GALNT9: variants seen among roughly 807,000 people sequenced by gnomAD.
GALNT9 encodes the protein polypeptide N-acetylgalactosaminyltransferase 9, also known as GalNAc transferase 9.
In GALNT9, 47 loss-of-function variants were observed where a neutral mutation model predicts 63.1. That is an observed-to-expected ratio of 0.75 (90% CI 0.59 to 0.95). GALNT9 has a LOEUF of 0.95. Ranked by LOEUF, GALNT9 falls within the 40% of genes least tolerant of loss-of-function variation. The pLI is 0.00. For missense variants in GALNT9, 829 were observed against 874.8 expected, an observed-to-expected ratio of 0.95 and a Z score of 0.66; for synonymous variants, 396 against 365.7, an observed-to-expected ratio of 1.08 and a Z score of -0.94.
At chr12:132,299,838 CCT>C (rs1417736690) in intron 1 of GALNT9, among the ~76,000 whole-genome samples, 9 of 141,616 alleles carry the variant, frequency 6.4e-5, no homozygotes, top group African/African-American at 2.3e-4. Flanking sequence ...CTAACCCACC[CCT>C]GAGATGACCA....
rs148635504 is a variant in GALNT9, at chr12:132,327,452, C to A, written c.238+1514G>T. On this transcript the variant is annotated intron_variant, in intron 1 of 10. Transcript: ENST00000328957. This position sits in a 1 kb window ranked among gnomAD's most constrained non-coding sequence, Gnocchi z 4.3. ...ACGACTCACAGGGCCGAGCTGCCCTCGTGGTGTTACACAACCTCAGTGTGC... is the reference window on the plus strand; with the variant it reads ...ACGACTCACAGGGCCGAGCTGCCCTAGTGGTGTTACACAACCTCAGTGTGC... Among the ~76,000 whole-genome samples the A allele has an allele frequency of 0.011, 1,728 of 152,148 alleles. 13 individuals carry two copies. Among genetic ancestry groups the A allele is most frequent in the Middle Eastern group, 0.017 (5 of 294 alleles).
intron 6 of GALNT9, among the ~76,000 whole-genome samples, chr12:132,235,695 G>GCGGCC (rs1877979897): frequency 9.9e-4 from 148 of 149,896 alleles, no homozygotes; most frequent in Middle Eastern, 6.9e-3. Context: ...CCCCGGGCTG[G>GCGGCC]AGTTCAACCC....
intron 6 of GALNT9, among the ~76,000 whole-genome samples, chr12:132,214,544 C>T (rs1303332136): frequency 2.0e-5 from 3 of 152,242 alleles, no homozygotes; most frequent in Non-Finnish European, 4.4e-5. Flanking sequence ...GGGCTACCAT[C>T]CTCCCACCCA....
intron 6 of GALNT9, among the ~76,000 whole-genome samples, chr12:132,217,448 A>C (rs750081161): frequency 1.4e-5 from 2 of 146,350 alleles, no homozygotes; most frequent in Non-Finnish European, 3.0e-5. Flanking sequence ...TCATCTATCC[A>C]TCCATCCCTG....
intron 1 of GALNT9, among the ~76,000 whole-genome samples, chr12:132,288,524 G>C (rs1341536777): frequency 6.6e-5 from 10 of 152,284 alleles, no homozygotes; most frequent in African/African-American, 2.2e-4. Context: ...ACTCGAGAGA[G>C]AGAGACACCT....
At chr12:132,264,484 G>A (rs1471698698) in intron 2 of GALNT9, among the ~76,000 whole-genome samples, 1 of 152,260 alleles carries the variant, frequency 6.6e-6, no homozygotes, top group Non-Finnish European at 1.5e-5. Flanking sequence ...TGGGACACAG[G>A]CTTCTGCCTG....
At chr12:132,201,009 G>A in intron 8 of GALNT9, 115 bp downstream of exon 8, 1 of 1,036,922 alleles carries the variant, frequency 9.6e-7, no homozygotes, top group East Asian at 2.5e-5. Flanking sequence ...TCTGGGGGAG[G>A]CGCTACCTCT....
chr12:132,255,935 T>A (rs1331996107), intron 5 of GALNT9, among the ~76,000 whole-genome samples: 1 of 151,900 alleles, frequency 6.6e-6, no homozygotes, highest in South Asian at 2.1e-4. Flanking sequence ...CTGTCTGCTG[T>A]TTCTGTCCCC....
Position 132,265,292 on chromosome 12 carries a change from C to T in GALNT9, c.420-2667G>A, listed in dbSNP as rs1436200709. Among the ~76,000 whole-genome samples, 5 of 152,188 alleles carry T rather than the reference C, an allele frequency of 3.3e-5. No homozygotes were observed. Among genetic ancestry groups the T allele is most frequent in the Non-Finnish European group, 5.9e-5 (4 of 68,048 alleles). On this transcript the variant is annotated intron_variant, in intron 2 of 10. Transcript: ENST00000328957. This position sits in a 1 kb window ranked among gnomAD's most constrained non-coding sequence, Gnocchi z 5.3. ...CCACGGGGAGAAAATGACGGCTGGA[C>T]CGGTCCTCCCCGTGGAAGCCTTTCC...
At chr12:132,255,544 A>G (rs1156237468) in intron 5 of GALNT9, among the ~76,000 whole-genome samples, 1 of 152,222 alleles carries the variant, frequency 6.6e-6, no homozygotes, top group Non-Finnish European at 1.5e-5. Context: ...TCTGCATCAT[A>G]AAACCTCGGT....
chr12:132,263,417 C>T (rs1417633999), intron 2 of GALNT9, among the ~76,000 whole-genome samples: 3 of 147,844 alleles, frequency 2.0e-5, no homozygotes, highest in African/African-American at 5.3e-5. Context: ...AAAGGAAGTA[C>T]GTCCTAGGAC....
chr12:132,250,532 G>A (rs1246727656), intron 5 of GALNT9, among the ~76,000 whole-genome samples: 1 of 152,246 alleles, frequency 6.6e-6, no homozygotes, highest in Non-Finnish European at 1.5e-5. Context: ...GCTCACGCCT[G>A]TAATCCCAGC....
chr12:132,218,959 G>C (rs779011740), intron 6 of GALNT9, among the ~76,000 whole-genome samples: 2 of 152,042 alleles, frequency 1.3e-5, no homozygotes, highest in Non-Finnish European at 2.9e-5. Context: ...CCCAAGAACC[G>C]CAAATTCCCA....
At chr12:132,276,332 T>C (rs1266988054) in intron 2 of GALNT9, 1 of 155,008 alleles carries the variant, frequency 6.5e-6, no homozygotes, top group Non-Finnish European at 1.5e-5. Flanking sequence ...GAAAGAAACC[T>C]GGTAGCTGTT....
intron 1 of GALNT9, among the ~76,000 whole-genome samples, chr12:132,291,600 AC>A (rs1442933391): frequency 1.9e-3 from 179 of 96,216 alleles, no homozygotes; most frequent in African/African-American, 7.8e-3. Flanking sequence ...CCACATCCAC[AC>A]CACCCACCTC....
At chr12:132,208,123 A>C (rs1876803531) in intron 6 of GALNT9, among the ~76,000 whole-genome samples, 1 of 152,238 alleles carries the variant, frequency 6.6e-6, no homozygotes, top group Non-Finnish European at 1.5e-5. Context: ...TCACAGTCTC[A>C]AGGGAAACAG....
intron 1 of GALNT9, among the ~76,000 whole-genome samples, chr12:132,305,101 AGCCTCACCCAGACACG>A (rs1881532848): frequency 1.3e-5 from 1 of 79,242 alleles, no homozygotes. Flanking sequence ...ACCCGGGCAC[AGCCTCACCCAGACACG>A]CCCTCACCCG....
At position 132,319,024 on chromosome 12, in the gene GALNT9, C is replaced by T. The variant is rs1868655474; in HGVS notation, c.238+9942G>A. On this transcript the variant is annotated intron_variant, in intron 1 of 10. Transcript: ENST00000328957. This position sits in a 1 kb window ranked among gnomAD's most constrained non-coding sequence, Gnocchi z 5.2. Reference sequence around the variant, plus strand: ...GGTCCTTTGGACTTCGGCAGCGACTCTCTGGGAGGGAGGAGCAGAGACAGA... The same window carrying T: ...GGTCCTTTGGACTTCGGCAGCGACTTTCTGGGAGGGAGGAGCAGAGACAGA... 6.6e-6 allele frequency among the ~76,000 whole-genome samples: 1 copy of T among 152,230 alleles called. No individual in the cohort carries two copies. The highest frequency in any genetic ancestry group is 1.5e-5 in the Non-Finnish European group (1 of 68,040).
rs141441785 is a variant in GALNT9, at chr12:132,312,849, G to A, written c.238+16117C>T. On this transcript the variant is annotated intron_variant, in intron 1 of 10. Transcript: ENST00000328957. ...CCCCCAGGGTGGATCCCCTTCTGCCGGGGCCCAAGCCAAAGATGAGGTTGT... is the reference window on the plus strand; with the variant it reads ...CCCCCAGGGTGGATCCCCTTCTGCCAGGGCCCAAGCCAAAGATGAGGTTGT... 9.1e-4 allele frequency among the ~76,000 whole-genome samples: 138 copies of A among 152,248 alleles called. 1 individual carries two copies. The highest frequency in any genetic ancestry group is 3.0e-3 in the African/African-American group (125 of 41,522).
Sources: allele counts gnomAD v4.1 joint callset (sites outside exome capture counted in the v4.1 genomes callset), GRCh38; gene constraint gnomAD v4.1.1; non-coding constraint Gnocchi (gnomAD v3.1); transcripts MANE v1.5; gene names NCBI Gene and HGNC (gene_info 2026-07-23, HGNC 2026-07-21).